The following LRMDA variants were observed in gnomAD, a reference collection of about 807,000 sequenced individuals.
LRMDA encodes the protein leucine rich melanocyte differentiation associated.
A neutral mutation model predicts 29.8 loss-of-function variants in LRMDA; 18 were observed. The observed-to-expected ratio is 0.60, with a 90% confidence interval of 0.42 to 0.90. The LOEUF is 0.90. Among genes scored for constraint, LRMDA ranks in the 40% least tolerant of loss-of-function variants. The probability of loss-of-function intolerance (pLI) is 0.00; values close to 1 mark genes in which losing one functional copy is unlikely to be tolerated. For synonymous variants in LRMDA, 125 were observed against 109.4 expected (o/e 1.14, Z -0.89); for missense variants, 273 against 273.9 (o/e 1.00, Z 0.02).
intron 2 of LRMDA, among the ~76,000 whole-genome samples, chr10:75,440,807 G>A (rs569412910): frequency 7.9e-5 from 12 of 152,238 alleles, no homozygotes; most frequent in African/African-American, 1.9e-4. Flanking sequence ...AGGCCAAGGC[G>A]GGCAAATCAC....
chr10:76,443,957 CCTT>C (rs771342202), intron 6 of LRMDA, among the ~76,000 whole-genome samples: 1 of 152,122 alleles, frequency 6.6e-6, no homozygotes, highest in Admixed American at 6.5e-5. Flanking sequence ...GACAAGGAAA[CCTT>C]CTACTTGGAT....
chr10:76,035,942 T>G, intron 2 of LRMDA, 66 bp from the exon 3 acceptor site: 1 of 1,561,836 alleles, frequency 6.4e-7, no homozygotes. Context: ...AAATATTTAT[T>G]TCGGCTCATA....
rs1841905230 is a variant in LRMDA, at chr10:75,672,525, C to T, written c.131+234031C>T. On this transcript the variant is annotated intron_variant, in intron 2 of 6. Coordinates refer to ENST00000611255, the MANE Select transcript of LRMDA (RefSeq NM_001305581.2). ...CTTCCTTGTATTTTTCTTTTCTTTT[C>T]CTCCCCTCCCCTCCCCTCCCCTCCC... 9.9e-4 allele frequency among the ~76,000 whole-genome samples: 2 copies of T among 2,024 alleles called. 1 individual carries two copies. Among genetic ancestry groups the T allele is most frequent in the Non-Finnish European group, 4.1e-3 (2 of 486 alleles). The allele number at this position is 2,024 out of a possible 152,430, so 1.3% of individuals were successfully genotyped here.
intron 2 of LRMDA, among the ~76,000 whole-genome samples, chr10:75,880,611 G>A (rs1194065224): frequency 6.6e-6 from 1 of 152,174 alleles, no homozygotes; most frequent in African/African-American, 2.4e-5. Context: ...GTGGGATTTT[G>A]TAAGTACACA....
At chr10:76,185,548 A>G (rs1198561902) in intron 5 of LRMDA, among the ~76,000 whole-genome samples, 2 of 147,662 alleles carry the variant, frequency 1.4e-5, no homozygotes, top group African/African-American at 5.3e-5. Context: ...CCTGGTCTGT[A>G]AAAAAAACAT....
At chr10:76,389,159 T>C (rs1302254759) in intron 6 of LRMDA, among the ~76,000 whole-genome samples, 3 of 152,122 alleles carry the variant, frequency 2.0e-5, no homozygotes, top group Non-Finnish European at 4.4e-5. Flanking sequence ...TGTGGGTAGA[T>C]GGTTGGAATG....
At chr10:76,411,742 G>A (rs974372044) in intron 6 of LRMDA, among the ~76,000 whole-genome samples, 14 of 152,214 alleles carry the variant, frequency 9.2e-5, no homozygotes, top group Non-Finnish European at 1.5e-4. Flanking sequence ...ATGGAGCCAC[G>A]CCCCTGACAG....
chr10:76,013,462 A>G (rs1353201690), intron 2 of LRMDA, among the ~76,000 whole-genome samples: 4 of 152,138 alleles, frequency 2.6e-5, no homozygotes, highest in Non-Finnish European at 4.4e-5. Flanking sequence ...ATTTCAAATT[A>G]AAACAACAAC....
chr10:75,535,426 G>A (rs2132045596), intron 2 of LRMDA, among the ~76,000 whole-genome samples: 1 of 152,028 alleles, frequency 6.6e-6, no homozygotes, highest in South Asian at 2.1e-4. Flanking sequence ...TTTATGAAGT[G>A]CACTGTCAGC....
chr10:75,826,802 C>T (rs1222867149), intron 2 of LRMDA, among the ~76,000 whole-genome samples: 1 of 152,134 alleles, frequency 6.6e-6, no homozygotes, highest in African/African-American at 2.4e-5. Flanking sequence ...GAATTTTATT[C>T]TGATGTTTTG....
chr10:76,489,576 C>T (rs1842813355), intron 6 of LRMDA, among the ~76,000 whole-genome samples: 1 of 151,804 alleles, frequency 6.6e-6, no homozygotes, highest in East Asian at 1.9e-4. Context: ...TGCTCTTGCT[C>T]TTCTAGCTTC....
intron 2 of LRMDA, among the ~76,000 whole-genome samples, chr10:75,832,769 G>A (rs953335376): frequency 3.3e-5 from 5 of 152,192 alleles, no homozygotes; most frequent in African/African-American, 7.2e-5. Context: ...CACATCTTAC[G>A]TGGATGGTAG....
intron 2 of LRMDA, among the ~76,000 whole-genome samples, chr10:75,709,419 TA>T (rs1259226521): frequency 6.6e-6 from 1 of 151,228 alleles, no homozygotes; most frequent in African/African-American, 2.4e-5. Context: ...TGTCTGTGTG[TA>T]CGTGTGTGTG....
At chr10:76,259,447 A>G (rs1357280201) in intron 5 of LRMDA, among the ~76,000 whole-genome samples, 1 of 151,992 alleles carries the variant, frequency 6.6e-6, no homozygotes, top group East Asian at 1.9e-4. Flanking sequence ...TATAATTTTG[A>G]CTTATCAAAA....
intron 2 of LRMDA, among the ~76,000 whole-genome samples, chr10:75,808,008 T>C (rs1226929498): frequency 6.6e-6 from 1 of 152,232 alleles, no homozygotes; most frequent in Non-Finnish European, 1.5e-5. Context: ...ATGTGGGCAT[T>C]TGTGGATTAT....
intron 2 of LRMDA, among the ~76,000 whole-genome samples, chr10:75,483,178 C>T (rs2132054507): frequency 6.6e-6 from 1 of 152,270 alleles, no homozygotes; most frequent in Non-Finnish European, 1.5e-5. Flanking sequence ...AACTCCTGAG[C>T]TCAGGCAATC....
intron 2 of LRMDA, among the ~76,000 whole-genome samples, chr10:75,494,515 CTTT>C (rs34902194): frequency 6.8e-5 from 7 of 102,864 alleles, no homozygotes; most frequent in African/African-American, 1.1e-4. Context: ...ATGTTTGTTC[CTTT>C]TTTTTTTTTT....
chr10:76,012,925 C>G (rs1847810161), intron 2 of LRMDA, among the ~76,000 whole-genome samples: 1 of 152,056 alleles, frequency 6.6e-6, no homozygotes, highest in South Asian at 2.1e-4. Context: ...CTTGATCTGG[C>G]CAAGTCAGAT....
chr10:76,542,849 C>T (rs530033703), intron 6 of LRMDA, among the ~76,000 whole-genome samples: 1 of 152,316 alleles, frequency 6.6e-6, no homozygotes, highest in South Asian at 2.1e-4. Flanking sequence ...ATTAAACCCA[C>T]TTCAGCTCAC....
Sources: gnomAD v4.1 joint callset for allele counts (sites outside exome capture counted in the v4.1 genomes callset) on GRCh38, gnomAD v4.1.1 for gene constraint, MANE v1.5 for transcripts, NCBI Gene and HGNC (gene_info 2026-07-23, HGNC 2026-07-21) for gene names.